Variants in UNC13C observed in about 807,000 individuals in gnomAD.
The protein encoded by UNC13C is unc-13 homolog C, also known as protein unc-13 homolog C.
A neutral mutation model predicts 245.4 loss-of-function variants in UNC13C; 174 were observed. The ratio of observed to expected loss-of-function variants is 0.71; its 90% CI spans 0.63 to 0.80. The LOEUF (loss-of-function observed/expected upper bound fraction) is 0.80, where lower values mean the gene tolerates loss of function less well. UNC13C is among the 30% of genes least tolerant of loss of function. The pLI is 0.00. For synonymous variants in UNC13C, 992 were observed against 895.1 expected, an observed-to-expected ratio of 1.11 and a Z score of -1.93; for missense variants, 2,829 against 2,602.9, an observed-to-expected ratio of 1.09 and a Z score of -1.89.
intron 27 of UNC13C, among the ~76,000 whole-genome samples, chr15:54,549,059 G>C (rs1896616648): frequency 1.3e-5 from 2 of 152,078 alleles, no homozygotes; most frequent in South Asian, 4.1e-4. Context: ...TACTTTTCCA[G>C]TCACATACAC....
At chr15:54,036,617 T>C (rs1200107231) in intron 2 of UNC13C, among the ~76,000 whole-genome samples, 3 of 152,226 alleles carry the variant, frequency 2.0e-5, no homozygotes, top group Non-Finnish European at 4.4e-5. Context: ...AACTTTCTGC[T>C]TTGGCCTGAG....
intron 2 of UNC13C, among the ~76,000 whole-genome samples, chr15:54,096,307 T>C (rs1310940632): frequency 6.8e-6 from 1 of 146,234 alleles, no homozygotes; most frequent in Non-Finnish European, 1.5e-5. Context: ...TTTCATCACA[T>C]GGTCTTTTGA....
intron 2 of UNC13C, among the ~76,000 whole-genome samples, chr15:54,108,331 C>T (rs1158518253): frequency 1.3e-5 from 2 of 152,212 alleles, no homozygotes; most frequent in Non-Finnish European, 2.9e-5. Context: ...GGACTACAGG[C>T]GCCCGCCACC....
the UNC13C span, among the ~76,000 whole-genome samples, chr15:53,959,810 T>C: frequency 6.6e-6 from 1 of 152,222 alleles, no homozygotes; most frequent in African/African-American, 2.4e-5. Context: ...AAGTTCTTCA[T>C]AAAGTGGATT....
chr15:54,187,893 T>A (rs1030266683), intron 4 of UNC13C, among the ~76,000 whole-genome samples: 4 of 152,278 alleles, frequency 2.6e-5, no homozygotes, highest in Non-Finnish European at 5.9e-5. Context: ...CACTGCAACC[T>A]CCACCTCCCG....
At chr15:54,044,627 T>C (rs2141040386) in intron 2 of UNC13C, among the ~76,000 whole-genome samples, 2 of 152,332 alleles carry the variant, frequency 1.3e-5, no homozygotes, top group Middle Eastern at 6.8e-3. Context: ...CCTGACTTTT[T>C]TGTTATACTC....
At chr15:54,179,148 T>A (rs947317020) in intron 4 of UNC13C, among the ~76,000 whole-genome samples, 3 of 152,102 alleles carry the variant, frequency 2.0e-5, no homozygotes, top group Admixed American at 1.3e-4. Context: ...ACATGTACCC[T>A]ACCCATCTTA....
intron 20 of UNC13C, among the ~76,000 whole-genome samples, chr15:54,498,728 A>G (rs995903171): frequency 2.0e-5 from 3 of 152,166 alleles, no homozygotes; most frequent in Non-Finnish European, 2.9e-5. Flanking sequence ...AAGCAACTAT[A>G]AAATATTATG....
At chr15:54,359,604 T>C (rs1402373050) in intron 17 of UNC13C, among the ~76,000 whole-genome samples, 1 of 151,916 alleles carries the variant, frequency 6.6e-6, no homozygotes, top group East Asian at 1.9e-4. Flanking sequence ...ACATTTCTTA[T>C]AGATTTTTCC....
At chr15:54,618,523 A>G (rs886257083) in intron 30 of UNC13C, among the ~76,000 whole-genome samples, 18 of 152,156 alleles carry the variant, frequency 1.2e-4, no homozygotes, top group Non-Finnish European at 4.4e-5. Context: ...AAATGGAAAT[A>G]TAGGCTGCCT....
intron 16 of UNC13C, 131 bp downstream of exon 16, chr15:54,333,987 C>T: frequency 3.3e-6 from 2 of 606,304 alleles, no homozygotes; most frequent in South Asian, 4.7e-5. Context: ...ACTATCTTTG[C>T]CTGAACTCGA....
At chr15:54,538,650 G>A (rs1896106430) in intron 26 of UNC13C, among the ~76,000 whole-genome samples, 1 of 152,016 alleles carries the variant, frequency 6.6e-6, no homozygotes, top group South Asian at 2.1e-4. Flanking sequence ...ATACATCATG[G>A]AATACTACAC....
chr15:54,336,611 A>G (rs1596243556), intron 16 of UNC13C, among the ~76,000 whole-genome samples: 1 of 151,852 alleles, frequency 6.6e-6, no homozygotes, highest in Non-Finnish European at 1.5e-5. Flanking sequence ...TTTTTTATTT[A>G]GAATTTTGGG....
rs566023465 is a variant in UNC13C at position 54,549,581 on chromosome 15, C to G, written c.5821-54C>G. 337 of 1,311,412 alleles carry G rather than the reference C, an allele frequency of 2.6e-4. 1 individual carries two copies. Among genetic ancestry groups the G allele is most frequent in the Admixed American group, 2.2e-3 (106 of 48,608 alleles). 81.2% of individuals were successfully genotyped at this position (1,311,412 alleles called of 1,614,324 possible). A position where few individuals can be genotyped will look rare whatever the true frequency, so the allele number is the denominator to read the frequency against. The stretch of plus-strand genomic sequence containing the variant: ...TCTGTTGACTGCATTTCTATTGTGA[C>G]TAATACTGAATATCTTAAGACTGAG... On this transcript the variant is annotated intron_variant, in intron 27 of 32. Transcript: ENST00000260323.
chr15:54,059,519 C>T (rs900123145), intron 2 of UNC13C, among the ~76,000 whole-genome samples: 18 of 152,068 alleles, frequency 1.2e-4, no homozygotes, highest in East Asian at 1.9e-4. Flanking sequence ...GAATCAATAT[C>T]GTGAAAATGG....
chr15:54,358,669 G>A (rs1035445590), intron 17 of UNC13C, among the ~76,000 whole-genome samples: 5 of 151,850 alleles, frequency 3.3e-5, no homozygotes, highest in Non-Finnish European at 2.9e-5. Context: ...TGTATGCTGC[G>A]GCTTTACTAA....
At chr15:54,586,234 A>T (rs1454253360) in intron 30 of UNC13C, among the ~76,000 whole-genome samples, 1 of 152,236 alleles carries the variant, frequency 6.6e-6, no homozygotes, top group Non-Finnish European at 1.5e-5. Flanking sequence ...TTCTTTCCTT[A>T]CTTTTAACAT....
chr15:53,872,360 C>G, the UNC13C span, among the ~76,000 whole-genome samples: 2 of 145,018 alleles, frequency 1.4e-5, no homozygotes, highest in Non-Finnish European at 3.0e-5. Context: ...TTTTTTTTTT[C>G]TTCCAGGTAA....
At chr15:54,415,210 G>A (rs1365459232) in intron 19 of UNC13C, 143 bp downstream of exon 19, 4 of 590,750 alleles carry the variant, frequency 6.8e-6, no homozygotes, top group Non-Finnish European at 1.1e-5. Context: ...TTTCCGTATG[G>A]TGAAAAGATA....
Sources: gnomAD v4.1 joint callset for allele counts (sites outside exome capture counted in the v4.1 genomes callset) on GRCh38, gnomAD v4.1.1 for gene constraint, MANE v1.5 for transcripts, NCBI Gene and HGNC (gene_info 2026-07-23, HGNC 2026-07-21) for gene names.